Variants in CCDC148 observed in about 807,000 individuals in gnomAD.
The protein encoded by CCDC148 is coiled-coil domain containing 148.
Under a neutral mutation model 85.7 loss-of-function variants are expected in CCDC148, and 89 were observed. The observed-to-expected ratio is 1.04, with a 90% CI of 0.87 to 1.24. The LOEUF (loss-of-function observed/expected upper bound fraction) is 1.24, where lower values mean the gene tolerates loss of function less well. Ranked by LOEUF, CCDC148 falls within the 50% of genes most tolerant of loss-of-function variation. The pLI, the probability that CCDC148 is intolerant of heterozygous loss-of-function variation, is 0.00. For missense variants in CCDC148, 692 were observed against 671.7 expected (o/e 1.03, Z -0.33); for synonymous variants, 230 against 213.9 (o/e 1.08, Z -0.66).
intron 10 of CCDC148, among the ~76,000 whole-genome samples, chr2:158,225,871 C>T (rs1687488084): frequency 1.3e-5 from 2 of 152,132 alleles, no homozygotes. Flanking sequence ...CCAAAATTGA[C>T]ACCCTAACAT....
intron 9 of CCDC148, among the ~76,000 whole-genome samples, chr2:158,306,694 G>A (rs1691705890): frequency 6.6e-6 from 1 of 151,962 alleles, no homozygotes; most frequent in African/African-American, 2.4e-5. Context: ...GGGGGAAGGG[G>A]GGAGGGAAAG....
At chr2:158,372,154 T>G (rs1185699032) in intron 1 of CCDC148, among the ~76,000 whole-genome samples, 2 of 151,830 alleles carry the variant, frequency 1.3e-5, no homozygotes, top group Non-Finnish European at 2.9e-5. Context: ...CTCTATATCC[T>G]CCAAACTGTT....
chr2:158,224,561 T>C (rs1033274461), intron 10 of CCDC148, among the ~76,000 whole-genome samples: 4 of 152,152 alleles, frequency 2.6e-5, no homozygotes, highest in Non-Finnish European at 4.4e-5. Flanking sequence ...AGAGAAAGGT[T>C]GGGTTACCCA....
intron 10 of CCDC148, among the ~76,000 whole-genome samples, chr2:158,235,467 T>G (rs1229720886): frequency 6.6e-6 from 1 of 152,208 alleles, no homozygotes; most frequent in Non-Finnish European, 1.5e-5. Context: ...AAGATTGACT[T>G]AGGCTCTTGT....
At chr2:158,418,686 T>C (rs550391869) in intron 1 of CCDC148, among the ~76,000 whole-genome samples, 1 of 150,372 alleles carries the variant, frequency 6.7e-6, no homozygotes, top group African/African-American at 2.4e-5. Context: ...CACTCTCTTA[T>C]ATCATCTTAC....
intron 13 of CCDC148, among the ~76,000 whole-genome samples, chr2:158,175,177 C>T (rs548187639): frequency 2.6e-5 from 4 of 152,066 alleles, no homozygotes; most frequent in South Asian, 2.1e-4. Context: ...ATAGGTCAAC[C>T]GAGTATAAGG....
intron 11 of CCDC148, among the ~76,000 whole-genome samples, chr2:158,197,885 T>C (rs911919102): frequency 2.0e-5 from 3 of 152,100 alleles, no homozygotes; most frequent in Non-Finnish European, 2.9e-5. Context: ...ATTAACTGGT[T>C]AATGCAATTA....
At chr2:158,207,867 C>A (rs947933059) in intron 11 of CCDC148, among the ~76,000 whole-genome samples, 1 of 152,010 alleles carries the variant, frequency 6.6e-6, no homozygotes, top group Admixed American at 6.6e-5. Context: ...ATTCACAGTA[C>A]AGAAGGGAAA....
chr2:158,358,579 C>A lies in CCDC148; in HGVS notation c.26-9G>T. 6.6e-7 allele frequency: 1 copy of A among 1,513,110 alleles called. No homozygotes were observed. Among genetic ancestry groups the A allele is most frequent in the South Asian group, 1.3e-5 (1 of 78,256 alleles). The allele number at this position is 1,513,110 out of a possible 1,614,324, so 93.7% of individuals were successfully genotyped here. The stretch of plus-strand genomic sequence containing the variant: ...ATGGAATACCAGATTATCTATTAGT[C>A]ATAAAAATAGAAAAATGACAAAGAA... On this transcript the variant is annotated splice_polypyrimidine_tract_variant and intron_variant, in intron 1 of 13. Coordinates refer to ENST00000283233, the MANE Select transcript of CCDC148 (RefSeq NM_138803.4).
intron 1 of CCDC148, among the ~76,000 whole-genome samples, chr2:158,435,862 G>C (rs1687624413): frequency 6.6e-6 from 1 of 152,156 alleles, no homozygotes. Context: ...AACCGACAAA[G>C]ATCAAAAGAG....
At chr2:158,274,126 T>C (rs2602199) in intron 9 of CCDC148, among the ~76,000 whole-genome samples, 152,216 of 152,284 alleles carry the variant, frequency 1, 76,074 homozygotes, top group Non-Finnish European at 1. Flanking sequence ...TGTCATTAGC[T>C]TCTGAATACA....
At chr2:158,399,387 G>A (rs1685672110) in intron 1 of CCDC148, among the ~76,000 whole-genome samples, 1 of 152,052 alleles carries the variant, frequency 6.6e-6, no homozygotes, top group Non-Finnish European at 1.5e-5. Flanking sequence ...ATAAAGTACT[G>A]GCAAACCAAA....
At chr2:158,433,656 G>A (rs1318248808) in intron 1 of CCDC148, among the ~76,000 whole-genome samples, 1 of 152,272 alleles carries the variant, frequency 6.6e-6, no homozygotes, top group African/African-American at 2.4e-5. Context: ...CACCAAGTGT[G>A]AGCTGAAGCA....
chr2:158,253,853 C>T (rs1203305189), intron 9 of CCDC148, among the ~76,000 whole-genome samples: 1 of 151,544 alleles, frequency 6.6e-6, no homozygotes, highest in Non-Finnish European at 1.5e-5. Flanking sequence ...ATAATCTTAA[C>T]ATCACAGAGG....
In CCDC148 at chr2:158,172,021, T is replaced by C. The variant is rs769992268; in HGVS notation, c.*92A>G. The C allele has an allele frequency of 1.0e-6, 1 of 996,538 alleles. No individual in the cohort carries two copies. The highest frequency in any genetic ancestry group is 1.4e-6 in the Non-Finnish European group (1 of 698,976). 61.7% of individuals were successfully genotyped at this position (996,538 alleles called of 1,614,324 possible). Reference sequence around the variant, plus strand: ...GATGCTATGATTTCTATGTCTGATATTTCAAACATTTTAGAAAGTAGTAAT... The same window carrying C: ...GATGCTATGATTTCTATGTCTGATACTTCAAACATTTTAGAAAGTAGTAAT... On this transcript the variant is annotated 3_prime_UTR_variant, in exon 14 of 14. Coordinates refer to ENST00000283233, the MANE Select transcript of CCDC148 (RefSeq NM_138803.4).
intron 9 of CCDC148, 144 bp downstream of exon 9, chr2:158,309,289 T>C (rs920783989): frequency 1.5e-6 from 1 of 683,594 alleles, no homozygotes; most frequent in African/African-American, 1.8e-5. Flanking sequence ...AAATGCAATT[T>C]TATACAGTTC....
chr2:158,440,586 G>T (rs1435604533), intron 1 of CCDC148, among the ~76,000 whole-genome samples: 1 of 152,082 alleles, frequency 6.6e-6, no homozygotes, highest in Admixed American at 6.5e-5. Context: ...CTATGATAAA[G>T]TTTAATTTAT....
chr2:158,196,405 C>A (rs945020134), intron 11 of CCDC148, among the ~76,000 whole-genome samples: 3 of 152,076 alleles, frequency 2.0e-5, no homozygotes, highest in South Asian at 4.1e-4. Context: ...GAAATCAGCA[C>A]GTGCTGAAAA....
intron 1 of CCDC148, among the ~76,000 whole-genome samples, chr2:158,377,374 T>A (rs1035490796): frequency 1.7e-4 from 26 of 151,866 alleles, no homozygotes; most frequent in East Asian, 3.9e-4. Context: ...TACCATCAAA[T>A]ACTTTGTTTC....
Sources: allele counts gnomAD v4.1 joint callset (sites outside exome capture counted in the v4.1 genomes callset), GRCh38; gene constraint gnomAD v4.1.1; transcripts MANE v1.5; gene names NCBI Gene and HGNC (gene_info 2026-07-23, HGNC 2026-07-21).